Variants in DMD observed in about 807,000 individuals in gnomAD.
DMD encodes dystrophin.
Under a neutral mutation model 330.1 loss-of-function variants are expected in DMD, and 63 were observed. The ratio of observed to expected loss-of-function variants is 0.19; its 90% CI spans 0.16 to 0.24. The LOEUF is 0.24. Ranked by LOEUF, DMD falls within the 10% of genes least tolerant of loss-of-function variation. The probability of loss-of-function intolerance (pLI) is 1.00; values close to 1 mark genes in which losing one functional copy is unlikely to be tolerated. For synonymous variants in DMD, 1,223 were observed against 959.8 expected (o/e 1.27, Z -5.07); for missense variants, 3,344 against 2,684.1 (o/e 1.25, Z -5.43).
At chrX:32,210,455 A>T (rs1211676979) in intron 44 of DMD, among the ~76,000 whole-genome samples, 1 of 112,302 alleles carries the variant, frequency 8.9e-6, no homozygotes, top group Non-Finnish European at 1.9e-5. Context: ...AGTTTCTATC[A>T]GCATTTGAAT....
chrX:31,543,550 C>T (rs1418820336), intron 55 of DMD, among the ~76,000 whole-genome samples: 1 of 112,263 alleles, frequency 8.9e-6, no homozygotes. Context: ...AACATGAATT[C>T]ACCTTAGACT....
intron 55 of DMD, among the ~76,000 whole-genome samples, chrX:31,562,058 A>G (rs1248919375): frequency 9.0e-6 from 1 of 111,626 alleles, no homozygotes; most frequent in African/African-American, 3.3e-5. Context: ...TATCTTTTTT[A>G]TTTTAAAAAT....
chrX:32,197,913 A>G (rs1171890887), intron 44 of DMD, among the ~76,000 whole-genome samples: 1 of 111,560 alleles, frequency 9.0e-6, no homozygotes, highest in East Asian at 2.8e-4. Flanking sequence ...TATGTCGTAC[A>G]AAAGATCTCA....
intron 55 of DMD, among the ~76,000 whole-genome samples, chrX:31,603,158 C>T (rs1298241719): frequency 9.0e-6 from 1 of 110,596 alleles, no homozygotes; most frequent in Non-Finnish European, 1.9e-5. Flanking sequence ...TAGACCCGAA[C>T]AGAACCGACG....
intron 5 of DMD, among the ~76,000 whole-genome samples, chrX:32,820,214 C>T (rs772125456): frequency 4.5e-5 from 5 of 111,992 alleles, no homozygotes; most frequent in Admixed American, 3.8e-4. Flanking sequence ...CCGAGACGGG[C>T]GGATCACAAG....
intron 48 of DMD, among the ~76,000 whole-genome samples, chrX:31,867,091 G>GATATATATATATATATATAT (rs35804192): frequency 8.9e-5 from 9 of 101,306 alleles, no homozygotes; most frequent in African/African-American, 2.9e-4. Flanking sequence ...AACATATTTT[G>GATATATATATATATATATAT]ATATATATAT....
intron 1 of DMD, among the ~76,000 whole-genome samples, chrX:33,237,462 C>T (rs2052509162): frequency 2.7e-5 from 3 of 110,231 alleles, no homozygotes; most frequent in Admixed American, 9.7e-5. Context: ...TCAGGCTGGA[C>T]TTGAACTCCT....
At chrX:32,349,827 T>A (rs1234948121) in intron 37 of DMD, among the ~76,000 whole-genome samples, 1 of 111,629 alleles carries the variant, frequency 9.0e-6, no homozygotes, top group African/African-American at 3.2e-5. Flanking sequence ...TAATGATCAT[T>A]TGCCATTTGA....
chrX:31,165,860 A>T (rs2039366834), intron 74 of DMD, among the ~76,000 whole-genome samples: 2 of 111,945 alleles, frequency 1.8e-5, no homozygotes, highest in Admixed American at 1.9e-4. Flanking sequence ...ACTCAGTCAG[A>T]TTTAGCTTTT....
At position 32,577,640 on chromosome X, in the gene DMD, C is replaced by T. The variant is rs1412542093; in HGVS notation, c.1603-3794G>A. 5.3e-5 allele frequency among the ~76,000 whole-genome samples: 6 copies of T among 112,299 alleles called. No individual in the cohort carries two copies. The East Asian group carries it at 1.7e-3, about 32-fold the overall frequency. ...TTACTGTATTCACTGTAGAAAGGCA[C>T]CCATTAAATCTTTACGAATAAATGT... On this transcript the variant is annotated intron_variant, in intron 13 of 78. Coordinates refer to ENST00000357033, the MANE Select transcript of DMD (RefSeq NM_004006.3).
chrX:31,284,505 T>C lies in DMD; in HGVS notation c.9225-23489A>G, dbSNP rs145268835. 3.4e-3 allele frequency among the ~76,000 whole-genome samples: 378 copies of C among 110,510 alleles called. 1 individual carries two copies. Among genetic ancestry groups the C allele is most frequent in the African/African-American group, 0.012 (354 of 30,097 alleles). On this transcript the variant is annotated intron_variant, in intron 62 of 78. Coordinates refer to ENST00000357033, the MANE Select transcript of DMD (RefSeq NM_004006.3). ...TCCTTTGTATCACTGCCATGGTGAA[T>C]GATCAGAAAGGAAACACAAACTCCT...
intron 2 of DMD, among the ~76,000 whole-genome samples, chrX:32,987,775 C>A (rs1164036334): frequency 9.1e-6 from 1 of 110,350 alleles, no homozygotes; most frequent in Non-Finnish European, 1.9e-5. Flanking sequence ...AAAGCAGTCA[C>A]TTATTTCTTT....
At chrX:33,297,620 A>G (rs1014871821) in intron 1 of DMD, among the ~76,000 whole-genome samples, 5 of 111,579 alleles carry the variant, frequency 4.5e-5, no homozygotes, top group Non-Finnish European at 9.4e-5. Context: ...TAAAGAAATT[A>G]TGGTATGTAT....
chrX:32,237,518 C>T (rs146755877), intron 43 of DMD, among the ~76,000 whole-genome samples: 1,142 of 110,979 alleles, frequency 0.01, 12 homozygotes, highest in African/African-American at 0.035. Context: ...CTCTGTTTTC[C>T]GGATCCTAGG....
At chrX:31,743,533 A>G (rs1331728145) in intron 51 of DMD, among the ~76,000 whole-genome samples, 1 of 112,154 alleles carries the variant, frequency 8.9e-6, no homozygotes, top group Admixed American at 9.4e-5. Flanking sequence ...GAACAAAATC[A>G]TGTCCTTTGC....
chrX:33,143,672 G>T (rs2047900422), intron 1 of DMD, among the ~76,000 whole-genome samples: 1 of 111,669 alleles, frequency 9.0e-6, no homozygotes, highest in Admixed American at 9.6e-5. Flanking sequence ...AAATGTCTTT[G>T]AGGTTTTCCT....
At position 32,588,666 on chromosome X, in the gene DMD, G is replaced by A. The variant is rs115536989; in HGVS notation, c.1602+7091C>T. Among the ~76,000 whole-genome samples, 502 of 112,102 alleles carry A rather than the reference G, an allele frequency of 4.5e-3. 3 individuals carry two copies. Among genetic ancestry groups the A allele is most frequent in the African/African-American group, 0.015 (474 of 30,838 alleles). On this transcript the variant is annotated intron_variant, in intron 13 of 78. Transcript: ENST00000357033. ...CTGACTTCAATGTGGAGATTGGATG[G>A]AAGAGCGGTAAGACTGAAGGCAAGG...
intron 1 of DMD, among the ~76,000 whole-genome samples, chrX:33,143,233 T>G (rs1438317578): frequency 2.7e-5 from 3 of 111,236 alleles, no homozygotes; most frequent in African/African-American, 9.8e-5. Flanking sequence ...ATTACATTTT[T>G]AAAACCATTA....
chrX:32,897,372 G>C, intron 2 of DMD, among the ~76,000 whole-genome samples: 1 of 111,610 alleles, frequency 9.0e-6, no homozygotes, highest in Non-Finnish European at 1.9e-5. Flanking sequence ...GAATGAAGAG[G>C]TGAAGGGAAA....
Sources: allele counts gnomAD v4.1 joint callset (sites outside exome capture counted in the v4.1 genomes callset), GRCh38; gene constraint gnomAD v4.1.1; transcripts MANE v1.5; gene names NCBI Gene and HGNC (gene_info 2026-07-23, HGNC 2026-07-21).